Variants in PIGN observed in about 807,000 individuals in gnomAD.
PIGN encodes GPI ethanolamine phosphate transferase 1.
In PIGN, 117 loss-of-function variants were observed where a neutral mutation model predicts 125.4. The ratio of observed to expected loss-of-function variants is 0.93; its 90% confidence interval spans 0.80 to 1.09. The LOEUF (loss-of-function observed/expected upper bound fraction) is 1.09, where lower values mean the gene tolerates loss of function less well. Ranked by LOEUF, PIGN falls within the 50% of genes least tolerant of loss-of-function variation. PIGN has a pLI of 0.00. For missense variants in PIGN, 1,075 were observed against 1,094.9 expected (o/e 0.98, Z 0.26); for synonymous variants, 392 against 377.8 (o/e 1.04, Z -0.44).
chr18:62,184,498 T>C (rs551516110), intron 1 of PIGN: 4 of 152,294 alleles, frequency 2.6e-5, no homozygotes, highest in African/African-American at 9.6e-5. Context: ...CCTCTGTGTA[T>C]TGTGGAAAAG....
chr18:62,097,649 G>C (rs1042995624), intron 22 of PIGN, among the ~76,000 whole-genome samples: 1 of 152,164 alleles, frequency 6.6e-6, no homozygotes, highest in African/African-American at 2.4e-5. Flanking sequence ...TGCTTAATTA[G>C]GCATTTATAT....
In PIGN at chr18:62,102,243, A is replaced by G. The variant is rs2034474731; in HGVS notation, c.1968+551T>C. Among the ~76,000 whole-genome samples the G allele has an allele frequency of 2.0e-5, 3 of 149,312 alleles. No individual in the cohort carries two copies. In the South Asian group the frequency reaches 6.6e-4, roughly 33 times the overall value. ...ACCTCATTTCAAAAAAACACATACA[A>G]AAAACAAAAAAACCACACAAACTGA... On this transcript the variant is annotated intron_variant, in intron 21 of 30. Coordinates refer to ENST00000640252, the MANE Select transcript of PIGN (RefSeq NM_176787.5).
At chr18:62,036,460 A>T (rs868095616), downstream of PIGN, among the ~76,000 whole-genome samples, 4 of 152,274 alleles carry the variant, frequency 2.6e-5, no homozygotes, top group Middle Eastern at 3.4e-3. Flanking sequence ...AGGAGAGTGG[A>T]TACTGGGTAG....
At chr18:62,169,405 C>T (rs1488405591) in intron 1 of PIGN, among the ~76,000 whole-genome samples, 1 of 152,142 alleles carries the variant, frequency 6.6e-6, no homozygotes, top group Non-Finnish European at 1.5e-5. Flanking sequence ...AATAAAGCTG[C>T]TATGAAGAAT....
intron 18 of PIGN, 23 bp from the exon 19 acceptor site, chr18:62,106,904 G>A: frequency 6.3e-7 from 1 of 1,581,354 alleles, no homozygotes; most frequent in East Asian, 2.3e-5. Flanking sequence ...TCCAAAGAAG[G>A]AATGAAAAAT....
intron 23 of PIGN, among the ~76,000 whole-genome samples, chr18:62,021,679 G>T (rs2030056263): frequency 6.6e-6 from 1 of 152,148 alleles, no homozygotes; most frequent in Non-Finnish European, 1.5e-5. Context: ...CGTTTTATTG[G>T]CTCTGGTTGT....
chr18:62,108,002 A>C (rs1206510618), intron 17 of PIGN, among the ~76,000 whole-genome samples: 4 of 152,218 alleles, frequency 2.6e-5, no homozygotes, highest in Non-Finnish European at 4.4e-5. Flanking sequence ...AAAAGTTAAC[A>C]TTTGTAGTGC....
intron 23 of PIGN, among the ~76,000 whole-genome samples, chr18:62,022,634 GA>G (rs2030065850): frequency 6.6e-6 from 1 of 152,104 alleles, no homozygotes; most frequent in African/African-American, 2.4e-5. Flanking sequence ...TTTCTTGTAA[GA>G]ATATTAAAAT....
intron 29 of PIGN, among the ~76,000 whole-genome samples, chr18:62,073,170 G>GGT (rs34182707): frequency 0.27 from 39,029 of 145,062 alleles, 5,895 homozygotes; most frequent in African/African-American, 0.41. Context: ...AATTATCAGG[G>GGT]GTGTGTGTGT....
chr18:62,147,399 C>T (rs1024562422), intron 8 of PIGN, among the ~76,000 whole-genome samples: 1 of 152,204 alleles, frequency 6.6e-6, no homozygotes, highest in Non-Finnish European at 1.5e-5. Context: ...GTCTCTCACT[C>T]TTACTACATA....
At chr18:62,047,339 G>A (rs747998787) in intron 30 of PIGN, among the ~76,000 whole-genome samples, 3 of 152,210 alleles carry the variant, frequency 2.0e-5, no homozygotes, top group African/African-American at 4.8e-5. Context: ...TGGACATCAC[G>A]TGGGGAGCCT....
At chr18:62,069,475 A>G (rs529607788) in intron 30 of PIGN, 1 of 152,370 alleles carries the variant, frequency 6.6e-6, no homozygotes, top group South Asian at 2.1e-4. Flanking sequence ...AATATGGCAT[A>G]TGCATATATA....
chr18:62,144,402 C>G (rs1323277189), intron 10 of PIGN, among the ~76,000 whole-genome samples: 1 of 152,150 alleles, frequency 6.6e-6, no homozygotes, highest in African/African-American at 2.4e-5. Flanking sequence ...TCTCCTTACC[C>G]AGGATTTGGT....
At position 62,045,861 on chromosome 18, in the gene PIGN, T is replaced by G; in HGVS notation, c.2791A>C (p.Met931Leu). 6.2e-7 allele frequency: 1 copy of G among 1,613,714 alleles called. No individual in the cohort carries two copies. The highest frequency in any genetic ancestry group is 8.5e-7 in the Non-Finnish European group (1 of 1,179,724). The change falls in exon 31 of 31, where the codon ATG (methionine) becomes CTG (leucine). Residue 931 changes from methionine to leucine, a missense_variant. Coordinates refer to ENST00000640252, the MANE Select transcript of PIGN (RefSeq NM_176787.5). Reference sequence around the variant, plus strand: ...TGAATGGTGCTTCAGCAACCTCACATGAAGTGACTTTTGGGTTTGCCACAT... The same window carrying G: ...TGAATGGTGCTTCAGCAACCTCACAGGAAGTGACTTTTGGGTTTGCCACAT... Reference protein sequence around the residue: ...RLCGKPKSHFM With the variant: ...RLCGKPKSHFL
intron 30 of PIGN, among the ~76,000 whole-genome samples, chr18:62,055,685 T>G (rs994128574): frequency 6.6e-6 from 1 of 152,142 alleles, no homozygotes; most frequent in Non-Finnish European, 1.5e-5. Flanking sequence ...CTGTATTATT[T>G]CTTACAACCT....
intron 6 of PIGN, among the ~76,000 whole-genome samples, chr18:62,155,483 C>T (rs1462729455): frequency 5.3e-5 from 8 of 152,078 alleles, no homozygotes; most frequent in Non-Finnish European, 1.2e-4. Context: ...GCAGAAGAAT[C>T]GCTTGAACCA....
At chr18:62,072,763 T>G (rs201567705) in intron 29 of PIGN, 38 bp from the exon 30 acceptor site, 2 of 1,475,818 alleles carry the variant, frequency 1.4e-6, no homozygotes, top group African/African-American at 1.4e-5. Flanking sequence ...AAAACAAAGC[T>G]ATTTAGATTC....
chr18:62,082,555 G>A, intron 28 of PIGN, 118 bp downstream of exon 28: 1 of 528,698 alleles, frequency 1.9e-6, no homozygotes, highest in Middle Eastern at 5.0e-4. Flanking sequence ...TCTCATTTTT[G>A]TAATAAACAA....
chr18:62,174,086 C>T (rs73448911), intron 1 of PIGN, among the ~76,000 whole-genome samples: 1 of 152,052 alleles, frequency 6.6e-6, no homozygotes, highest in East Asian at 1.9e-4. Flanking sequence ...TGGTGGCGGG[C>T]ACCTGTAATC....
Sources: allele counts gnomAD v4.1 joint callset (sites outside exome capture counted in the v4.1 genomes callset), GRCh38; gene constraint gnomAD v4.1.1; transcripts MANE v1.5; gene names NCBI Gene and HGNC (gene_info 2026-07-23, HGNC 2026-07-21).